The following FKBP9 variants were observed in gnomAD, a reference collection of about 807,000 sequenced individuals.
The protein encoded by FKBP9 is peptidyl-prolyl cis-trans isomerase FKBP9.
In FKBP9, 27 loss-of-function variants were observed where a neutral mutation model predicts 55.6. The observed-to-expected ratio is 0.49, with a 90% CI of 0.36 to 0.67. The LOEUF (loss-of-function observed/expected upper bound fraction) is 0.67, where lower values mean the gene tolerates loss of function less well. FKBP9 is among the 30% of genes least tolerant of loss of function. FKBP9 has a pLI of 0.00. For synonymous variants in FKBP9, 267 were observed against 296.5 expected (o/e 0.90, Z 1.02); for missense variants, 539 against 742.8 (o/e 0.73, Z 3.19).
chr7:33,003,048 C>T, intron 9 of FKBP9: 1 of 543,910 alleles, frequency 1.8e-6, no homozygotes, highest in Middle Eastern at 5.1e-4. Flanking sequence ...AAACCGATTC[C>T]CTAAGAGGTG....
chr7:32,960,665 C>A (rs1478665782), intron 1 of FKBP9, among the ~76,000 whole-genome samples: 1 of 152,134 alleles, frequency 6.6e-6, no homozygotes. Context: ...TAGTGTAGGG[C>A]AGTTGAAAGA....
At chr7:32,995,946 G>A (rs1029721828) in intron 6 of FKBP9, among the ~76,000 whole-genome samples, 1 of 152,152 alleles carries the variant, frequency 6.6e-6, no homozygotes, top group African/African-American at 2.4e-5. Flanking sequence ...GAGACCCACG[G>A]CAAATCTGTG....
chr7:32,979,376 A>G, intron 4 of FKBP9: 2 of 681,540 alleles, frequency 2.9e-6, no homozygotes, highest in South Asian at 3.4e-5. Context: ...TTAATATTCT[A>G]TCTCCCACGC....
chr7:33,001,567 C>A (rs1452361322), intron 8 of FKBP9, among the ~76,000 whole-genome samples: 2 of 151,766 alleles, frequency 1.3e-5, no homozygotes, highest in African/African-American at 4.8e-5. Flanking sequence ...TTCTTTAAGA[C>A]TTTTTCTGTG....
intron 1 of FKBP9, among the ~76,000 whole-genome samples, chr7:32,969,278 A>G (rs1045943085): frequency 6.6e-6 from 1 of 151,456 alleles, no homozygotes; most frequent in Non-Finnish European, 1.5e-5. Flanking sequence ...TGTTTTTGTT[A>G]CCTGTGCTTT....
At chr7:32,960,533 TCTTCTTTCATGTG>T (rs1784001498) in intron 1 of FKBP9, among the ~76,000 whole-genome samples, 1 of 152,244 alleles carries the variant, frequency 6.6e-6, no homozygotes, top group African/African-American at 2.4e-5. Flanking sequence ...CATTTGTGTA[TCTTCTTTCATGTG>T]CTTCTTTCAT....
intron 5 of FKBP9, among the ~76,000 whole-genome samples, chr7:32,985,087 G>C (rs1784549633): frequency 6.6e-6 from 1 of 151,704 alleles, no homozygotes; most frequent in Admixed American, 6.6e-5. Flanking sequence ...GTATGAAAAG[G>C]TATACAATGA....
chr7:33,002,217 T>A (rs891086611), intron 8 of FKBP9, among the ~76,000 whole-genome samples: 1 of 152,064 alleles, frequency 6.6e-6, no homozygotes, highest in Non-Finnish European at 1.5e-5. Context: ...CACTGCAATG[T>A]TTGCCTCCCT....
chr7:32,985,389 C>T (rs932219602), intron 5 of FKBP9, among the ~76,000 whole-genome samples: 3 of 151,500 alleles, frequency 2.0e-5, no homozygotes, highest in African/African-American at 7.3e-5. Context: ...CATGTTGGGC[C>T]GGGCTGGTCA....
At chr7:32,965,843 A>ATATATATATGTG (rs1309792242) in intron 1 of FKBP9, among the ~76,000 whole-genome samples, 1 of 41,412 alleles carries the variant, frequency 2.4e-5, no homozygotes, top group African/African-American at 9.7e-5. Flanking sequence ...ATATATATAT[A>ATATATATATGTG]TGTGTGTACA....
intron 4 of FKBP9, among the ~76,000 whole-genome samples, chr7:32,976,861 T>C (rs1784372723): frequency 6.6e-6 from 1 of 152,178 alleles, no homozygotes; most frequent in African/African-American, 2.4e-5. Flanking sequence ...TTATAGTCAT[T>C]GGCATTCATA....
intron 9 of FKBP9, 191 bp downstream of exon 9, chr7:33,003,030 C>T: frequency 3.5e-6 from 2 of 578,284 alleles, no homozygotes; most frequent in Non-Finnish European, 6.1e-6. Flanking sequence ...CACCATTCCT[C>T]TCTGAAGAAA....
chr7:32,999,138 AC>A (rs1728968048), intron 7 of FKBP9, among the ~76,000 whole-genome samples: 1 of 152,046 alleles, frequency 6.6e-6, no homozygotes, highest in South Asian at 2.1e-4. Flanking sequence ...AGGTGGGAAA[AC>A]ACAAACCCTG....
intron 9 of FKBP9, among the ~76,000 whole-genome samples, chr7:33,003,280 C>T (rs1267517170): frequency 1.3e-5 from 2 of 152,132 alleles, no homozygotes; most frequent in African/African-American, 2.4e-5. Flanking sequence ...GCAATAGAAC[C>T]ATCTGTTCTG....
intron 7 of FKBP9, among the ~76,000 whole-genome samples, chr7:32,996,861 C>G (rs1784809445): frequency 8.2e-6 from 1 of 122,370 alleles, no homozygotes; most frequent in Non-Finnish European, 1.6e-5. Context: ...GTGGCGCAAT[C>G]TTGGCTCACT....
chr7:32,990,714 G>A lies in FKBP9; in HGVS notation c.1039+2062G>A, dbSNP rs542630712. On this transcript the variant is annotated intron_variant, in intron 6 of 9. Transcript: ENST00000242209. ...TATGTATTTTAATGGCTGCTCCCTC[G>A]CTTAGCAATAGTTGATGCAGTATTT... Among the ~76,000 whole-genome samples the A allele has an allele frequency of 3.1e-4, 47 of 152,302 alleles. 1 individual carries two copies. Among genetic ancestry groups the A allele is most frequent in the African/African-American group, 1.1e-3 (45 of 41,550 alleles).
At chr7:32,993,103 C>T (rs1397212943) in intron 6 of FKBP9, 5 of 232,410 alleles carry the variant, frequency 2.2e-5, no homozygotes, top group Non-Finnish European at 4.2e-5. Context: ...TCCCTTTTGC[C>T]CTGGAGAAGG....
chr7:32,965,826 T>TATATATGTATACAC (rs1554284316), intron 1 of FKBP9, among the ~76,000 whole-genome samples: 17 of 33,318 alleles, frequency 5.1e-4, no homozygotes, highest in South Asian at 2.0e-3. Context: ...TATATATATA[T>TATATATGTATACAC]ATATATATAT....
In FKBP9 at chr7:33,002,908, G is replaced by A. The variant is rs1395647868; in HGVS notation, c.1536+69G>A. On this transcript the variant is annotated intron_variant, in intron 9 of 9. Transcript: ENST00000242209. ...GGGAGCCTGGTAAGGCCGTGGGGCC[G>A]GTTCTGAAGGTAAGGACTTCTAAGG... 31 of 1,522,842 alleles carry A rather than the reference G, an allele frequency of 2.0e-5. No individual in the cohort carries two copies. In the East Asian group the frequency reaches 2.1e-4, roughly 10 times the overall value. 94.3% of individuals were successfully genotyped at this position (1,522,842 alleles called of 1,614,324 possible). A position where few individuals can be genotyped will look rare whatever the true frequency, so the allele number is the denominator to read the frequency against.
Sources: gnomAD v4.1 joint callset for allele counts (sites outside exome capture counted in the v4.1 genomes callset) on GRCh38, gnomAD v4.1.1 for gene constraint, MANE v1.5 for transcripts, NCBI Gene and HGNC (gene_info 2026-07-23, HGNC 2026-07-21) for gene names.